The following SEMA3C variants were observed in gnomAD, a reference collection of about 807,000 sequenced individuals.
SEMA3C encodes semaphorin 3C.
Under a neutral mutation model 89.4 loss-of-function variants are expected in SEMA3C, and 47 were observed. The ratio of observed to expected loss-of-function variants is 0.53; its 90% CI spans 0.42 to 0.67. The LOEUF (loss-of-function observed/expected upper bound fraction) is 0.67. Ranked by LOEUF, SEMA3C falls within the 30% of genes least tolerant of loss-of-function variation. The pLI is 0.00. For missense variants in SEMA3C, 839 were observed against 929.1 expected (o/e 0.90, Z 1.26); for synonymous variants, 310 against 320.2 (o/e 0.97, Z 0.34).
intron 2 of SEMA3C, among the ~76,000 whole-genome samples, chr7:80,834,518 C>G (rs1042066227): frequency 6.6e-6 from 1 of 152,108 alleles, no homozygotes; most frequent in African/African-American, 2.4e-5. Context: ...AATACAGTAA[C>G]ATATTATGTC....
At chr7:80,901,888 C>T (rs77172475) in intron 2 of SEMA3C, among the ~76,000 whole-genome samples, 1,854 of 152,254 alleles carry the variant, frequency 0.012, 20 homozygotes, top group Non-Finnish European at 0.019. Flanking sequence ...TATTGATGCA[C>T]TAAAACAAAG....
chr7:80,814,018 T>C (rs1224480280), intron 5 of SEMA3C, among the ~76,000 whole-genome samples: 1 of 152,122 alleles, frequency 6.6e-6, no homozygotes, highest in Non-Finnish European at 1.5e-5. Context: ...AATGACTTAT[T>C]TTTATTTCCC....
At chr7:80,780,212 TC>T (rs1291084566) in intron 12 of SEMA3C, among the ~76,000 whole-genome samples, 4 of 152,216 alleles carry the variant, frequency 2.6e-5, no homozygotes, top group Admixed American at 6.5e-5. Flanking sequence ...AAATAAATAT[TC>T]ATTGAATTGG....
rs567720773 is a variant in SEMA3C at position 80,789,515 on chromosome 7, G to A, written c.1145C>T (p.Ala382Val). The A allele has an allele frequency of 5.0e-5, 81 of 1,610,168 alleles. 1 individual carries two copies. In the South Asian group the frequency reaches 8.5e-4, roughly 17 times the overall value. Residue 382 changes from alanine to valine, a missense_variant, in exon 12 of 18, where the codon GCA becomes GTA. Coordinates refer to ENST00000265361, the MANE Select transcript of SEMA3C (RefSeq NM_006379.5). The stretch of plus-strand genomic sequence containing the variant: ...GGTGGTTCGCATATTGGGTGTAAAT[G>A]CTCCTCCTGGACACTAGAAAGAAAG... Reference protein sequence around the residue: ...YPRPGTCPGGAFTPNMRTTKE... With the variant: ...YPRPGTCPGGVFTPNMRTTKE...
intron 2 of SEMA3C, among the ~76,000 whole-genome samples, chr7:80,878,750 C>T (rs909128046): frequency 2.6e-5 from 4 of 151,902 alleles, no homozygotes; most frequent in African/African-American, 9.7e-5. Flanking sequence ...AGAAATACAC[C>T]TGGAAAAGAT....
At chr7:80,763,517 A>C (rs946217474) in intron 13 of SEMA3C, among the ~76,000 whole-genome samples, 2 of 152,062 alleles carry the variant, frequency 1.3e-5, no homozygotes, top group East Asian at 3.9e-4. Flanking sequence ...CTGTTTTTCC[A>C]CTGAGAGTTT....
chr7:80,849,764 A>G (rs1453990751), intron 2 of SEMA3C, among the ~76,000 whole-genome samples: 1 of 152,144 alleles, frequency 6.6e-6, no homozygotes, highest in Non-Finnish European at 1.5e-5. Flanking sequence ...TAAATAGGGC[A>G]AAGAAGTACA....
upstream of SEMA3C, chr7:80,919,111 G>A (rs1231341921): frequency 6.1e-6 from 6 of 984,842 alleles, no homozygotes; most frequent in Admixed American, 2.5e-4. Flanking sequence ...ACAGCGCCGC[G>A]GCGCGCGGCT....
At chr7:80,890,075 T>A (rs753757087) in intron 2 of SEMA3C, among the ~76,000 whole-genome samples, 1 of 152,184 alleles carries the variant, frequency 6.6e-6, no homozygotes, top group Non-Finnish European at 1.5e-5. Flanking sequence ...TTGAAGGGAC[T>A]GATGTTGTGG....
intron 2 of SEMA3C, among the ~76,000 whole-genome samples, chr7:80,834,439 C>T (rs9886246): frequency 6.6e-6 from 1 of 152,066 alleles, no homozygotes; most frequent in Non-Finnish European, 1.5e-5. Context: ...CTAAGCCCTG[C>T]CAACAGAAGC....
intron 9 of SEMA3C, 76 bp from the exon 10 acceptor site, chr7:80,800,902 T>C (rs552909343): frequency 2.5e-5 from 22 of 872,836 alleles, no homozygotes; most frequent in South Asian, 5.6e-5. Flanking sequence ...CCTAAGAAAA[T>C]AATTTCAACT....
chr7:80,749,434 G>A (rs541934601), intron 16 of SEMA3C, among the ~76,000 whole-genome samples: 10 of 152,122 alleles, frequency 6.6e-5, no homozygotes, highest in South Asian at 4.1e-4. Flanking sequence ...AGGCAATACC[G>A]AAGCCAGGTT....
At chr7:80,919,127 T>G (rs1792350809), upstream of SEMA3C, 21 of 984,600 alleles carry the variant, frequency 2.1e-5, no homozygotes, top group Non-Finnish European at 2.5e-5. Context: ...CGGCTCCGGC[T>G]GCCCCGGCGC....
At chr7:80,856,779 A>G (rs961238853) in intron 2 of SEMA3C, among the ~76,000 whole-genome samples, 2 of 152,178 alleles carry the variant, frequency 1.3e-5, no homozygotes, top group African/African-American at 2.4e-5. Context: ...GCTGAAAAGA[A>G]ACTGGACCTA....
chr7:80,828,494 T>G (rs1789931739), intron 3 of SEMA3C, 91 bp downstream of exon 3: 2 of 1,048,748 alleles, frequency 1.9e-6, no homozygotes, highest in African/African-American at 3.2e-5. Flanking sequence ...ATTGTTCTAA[T>G]AAAATGCATA....
intron 2 of SEMA3C, among the ~76,000 whole-genome samples, chr7:80,898,040 C>A (rs1253863525): frequency 1.3e-5 from 2 of 151,992 alleles, no homozygotes; most frequent in Non-Finnish European, 2.9e-5. Flanking sequence ...ATTCCAGATT[C>A]TTTTTTCTAA....
chr7:80,900,465 A>G (rs1791852166), intron 2 of SEMA3C, among the ~76,000 whole-genome samples: 1 of 152,222 alleles, frequency 6.6e-6, no homozygotes, highest in African/African-American at 2.4e-5. Context: ...TTTTACACAT[A>G]TTACCTAATT....
chr7:80,863,861 G>GTGA (rs1790848347), intron 2 of SEMA3C, among the ~76,000 whole-genome samples: 1 of 139,988 alleles, frequency 7.1e-6, no homozygotes, highest in South Asian at 2.2e-4. Context: ...ACATACATAT[G>GTGA]TATCACATAT....
intron 2 of SEMA3C, among the ~76,000 whole-genome samples, chr7:80,863,946 T>C (rs1449648500): frequency 7.7e-6 from 1 of 130,210 alleles, no homozygotes; most frequent in Non-Finnish European, 1.6e-5. Context: ...ATATATAATA[T>C]GTATATCACA....
Sources: allele counts gnomAD v4.1 joint callset (sites outside exome capture counted in the v4.1 genomes callset), GRCh38; gene constraint gnomAD v4.1.1; transcripts MANE v1.5; gene names NCBI Gene and HGNC (gene_info 2026-07-23, HGNC 2026-07-21).